FBN1: variants seen among roughly 807,000 people sequenced by gnomAD.
FBN1 encodes the protein fibrillin-1.
A neutral mutation model predicts 365.1 loss-of-function variants in FBN1; 29 were observed. That is an observed-to-expected ratio of 0.08 (90% CI 0.06 to 0.11). The LOEUF (loss-of-function observed/expected upper bound fraction) is 0.11, where lower values mean the gene tolerates loss of function less well. FBN1 is among the 10% of genes least tolerant of loss of function. The probability of loss-of-function intolerance (pLI) is 1.00; values close to 1 mark genes in which losing one functional copy is unlikely to be tolerated. For synonymous variants in FBN1, 1,210 were observed against 1,270.5 expected, an observed-to-expected ratio of 0.95 and a Z score of 1.01; for missense variants, 2,476 against 3,703.2, an observed-to-expected ratio of 0.67 and a Z score of 8.60.
intron 6 of FBN1, among the ~76,000 whole-genome samples, chr15:48,567,289 T>C (rs1439385771): frequency 2.0e-5 from 3 of 152,244 alleles, no homozygotes; most frequent in African/African-American, 7.2e-5. Context: ...TATTTTTGTA[T>C]GACTTTTCTA....
At chr15:48,571,292 G>T (rs1262185163) in intron 6 of FBN1, among the ~76,000 whole-genome samples, 1 of 151,970 alleles carries the variant, frequency 6.6e-6, no homozygotes, top group African/African-American at 2.4e-5. Flanking sequence ...CAGAACAATG[G>T]CACCCTGGTA....
chr15:48,425,660 G>A, intron 59 of FBN1, 79 bp downstream of exon 59: 1 of 1,572,164 alleles, frequency 6.4e-7, no homozygotes, highest in South Asian at 1.1e-5. Context: ...AGACTTTTTA[G>A]ATTTTTAGCT....
At chr15:48,547,477 A>G (rs974712440) in intron 6 of FBN1, among the ~76,000 whole-genome samples, 1 of 152,200 alleles carries the variant, frequency 6.6e-6, no homozygotes, top group African/African-American at 2.4e-5. Flanking sequence ...ATTCCATGAT[A>G]GCATCAATTC....
At chr15:48,637,229 C>T (rs1337474896) in intron 2 of FBN1, among the ~76,000 whole-genome samples, 1 of 152,202 alleles carries the variant, frequency 6.6e-6, no homozygotes, top group East Asian at 1.9e-4. Context: ...CCAAATCTCC[C>T]TGTCTTTAGT....
At position 48,485,399 on chromosome 15, in the gene FBN1, T is replaced by C. The variant is rs2043497263; in HGVS notation, c.3687A>G (p.Leu1229=). The change falls in exon 30 of 66, where the codon CTA becomes CTG. Residue 1229 remains leucine (L), a synonymous_variant. Transcript: ENST00000316623. ...YECSCQPGFA[L]MPDQRSCTDI... is the part of the protein sequence containing the mutation. ...CGGTGCATGATCTCTGGTCAGGCATTAGTGCAAATCCCGGCTGACAGCTAC... is the reference window on the plus strand; with the variant it reads ...CGGTGCATGATCTCTGGTCAGGCATCAGTGCAAATCCCGGCTGACAGCTAC... The C allele has an allele frequency of 6.2e-7, 1 of 1,614,196 alleles. No homozygotes were observed. Among genetic ancestry groups the C allele is most frequent in the Non-Finnish European group, 8.5e-7 (1 of 1,180,028 alleles).
At chr15:48,428,632 C>T (rs934587911) in intron 56 of FBN1, among the ~76,000 whole-genome samples, 161 bp from the exon 57 acceptor site, 2 of 151,924 alleles carry the variant, frequency 1.3e-5, no homozygotes, top group Non-Finnish European at 2.9e-5. Context: ...ACCTTCCTTC[C>T]CTCTCTCACA....
At chr15:48,562,084 T>C (rs1444924897) in intron 6 of FBN1, among the ~76,000 whole-genome samples, 1 of 152,162 alleles carries the variant, frequency 6.6e-6, no homozygotes, top group Non-Finnish European at 1.5e-5. Context: ...TGGGCAACAC[T>C]GGACTGGATG....
At chr15:48,554,708 T>C (rs966318530) in intron 6 of FBN1, among the ~76,000 whole-genome samples, 5 of 152,164 alleles carry the variant, frequency 3.3e-5, no homozygotes. Context: ...ATATAGTGAA[T>C]TGAAAAAGTA....
intron 2 of FBN1, among the ~76,000 whole-genome samples, chr15:48,621,690 A>G (rs527240422): frequency 3.9e-5 from 6 of 152,176 alleles, no homozygotes; most frequent in Non-Finnish European, 8.8e-5. Flanking sequence ...CTAACTACAT[A>G]TCAATATTGG....
At chr15:48,644,243 A>C in intron 2 of FBN1, 1 of 245,904 alleles carries the variant, frequency 4.1e-6, no homozygotes, top group Non-Finnish European at 8.0e-6. Flanking sequence ...CCCCAAGGAA[A>C]GTACTTTCCT....
intron 51 of FBN1, 37 bp downstream of exon 51, chr15:48,437,731 T>C (rs751919786): frequency 6.2e-7 from 1 of 1,611,684 alleles, no homozygotes; most frequent in South Asian, 1.1e-5. Flanking sequence ...GTCTGCACCC[T>C]GCATGGCCCA....
chr15:48,455,502 A>C (rs2043232031), intron 44 of FBN1, among the ~76,000 whole-genome samples: 2 of 152,196 alleles, frequency 1.3e-5, no homozygotes, highest in Non-Finnish European at 2.9e-5. Flanking sequence ...GAGGGGGAAA[A>C]GTGCGGCTGT....
rs554084695 is a variant in FBN1 at position 48,572,925 on chromosome 15, G to A, written c.538+23358C>T. 2.0e-4 allele frequency among the ~76,000 whole-genome samples: 31 copies of A among 152,200 alleles called. No individual in the cohort carries two copies. The East Asian group carries it at 4.6e-3, about 23-fold the overall frequency. ...TAAATTTTTTTAAAAAACAAGAGGC[G>A]AAGGGCTCCAAACAGAGACAAGTAG... On this transcript the variant is annotated intron_variant, in intron 6 of 65. Transcript: ENST00000316623.
chr15:48,509,980 TA>T (rs1207873691), intron 14 of FBN1, 63 bp downstream of exon 14: 2 of 1,553,986 alleles, frequency 1.3e-6, no homozygotes, highest in African/African-American at 2.7e-5. Flanking sequence ...TTGGTCTTGT[TA>T]AAGACCCCTG....
At chr15:48,520,617 G>A in intron 10 of FBN1, 42 bp downstream of exon 10, 3 of 1,610,728 alleles carry the variant, frequency 1.9e-6, no homozygotes, top group Non-Finnish European at 2.5e-6. Flanking sequence ...GCTTGTGAGG[G>A]CTGGGATGGG....
At chr15:48,412,461 T>A in intron 65 of FBN1, 108 bp downstream of exon 65, 1 of 1,154,508 alleles carries the variant, frequency 8.7e-7, no homozygotes, top group South Asian at 1.2e-5. Flanking sequence ...CTGGAGTTTC[T>A]CCCTGGGGAG....
At chr15:48,502,883 T>C (rs1482182305) in intron 17 of FBN1, among the ~76,000 whole-genome samples, 1 of 152,202 alleles carries the variant, frequency 6.6e-6, no homozygotes, top group Admixed American at 6.5e-5. Flanking sequence ...ATTAAGTAAT[T>C]TGGCTGCCTG....
chr15:48,569,951 G>C (rs2044294027), intron 6 of FBN1, among the ~76,000 whole-genome samples: 1 of 151,494 alleles, frequency 6.6e-6, no homozygotes, highest in Non-Finnish European at 1.5e-5. Flanking sequence ...TGAATTTTAT[G>C]GTATGTAAAT....
chr15:48,628,434 A>T (rs1889927248), intron 2 of FBN1, among the ~76,000 whole-genome samples: 1 of 152,194 alleles, frequency 6.6e-6, no homozygotes, highest in Non-Finnish European at 1.5e-5. Context: ...AACTTTTCAT[A>T]AGGTTCTTGC....
Sources: gnomAD v4.1 joint callset for allele counts (sites outside exome capture counted in the v4.1 genomes callset) on GRCh38, gnomAD v4.1.1 for gene constraint, MANE v1.5 for transcripts, NCBI Gene and HGNC (gene_info 2026-07-23, HGNC 2026-07-21) for gene names.